Variants in PKD2L2 observed in about 807,000 individuals in gnomAD.
The protein encoded by PKD2L2 is polycystin 2 like 2, transient receptor potential cation channel.
PKD2L2 carries 67 observed loss-of-function variants against 83.9 expected under a neutral mutation model. The ratio of observed to expected loss-of-function variants is 0.80; its 90% CI spans 0.66 to 0.98. The LOEUF (loss-of-function observed/expected upper bound fraction) is 0.98. Among genes scored for constraint, PKD2L2 ranks in the 50% least tolerant of loss-of-function variants. The pLI is 0.00. For missense variants in PKD2L2, 632 were observed against 717.2 expected (o/e 0.88, Z 1.36); for synonymous variants, 223 against 237.8 (o/e 0.94, Z 0.57).
intron 8 of PKD2L2, among the ~76,000 whole-genome samples, chr5:137,909,938 A>G (rs1375440358): frequency 6.6e-6 from 1 of 152,190 alleles, no homozygotes; most frequent in Admixed American, 6.5e-5. Context: ...TATTTTTAAA[A>G]TAGCTTTAGG....
rs990857858 is a variant in PKD2L2, at chr5:137,936,345, G to A, written c.1810G>A (p.Glu604Lys). The A allele has an allele frequency of 3.0e-5, 46 of 1,531,792 alleles. No individual in the cohort carries two copies. Among genetic ancestry groups the A allele is most frequent in the Non-Finnish European group, 3.8e-5 (43 of 1,142,896 alleles). 94.9% of individuals were successfully genotyped at this position (1,531,792 alleles called of 1,614,324 possible). Reference sequence around the variant, plus strand: ...ACTTTTTTTATATGCTGTGGAGCTGGAGAAGGAATTACACTACATCAATTT... The same window carrying A: ...ACTTTTTTTATATGCTGTGGAGCTGAAGAAGGAATTACACTACATCAATTT... Reference protein sequence around the residue: ...RELFLYAVELEKELHYINLKL... With the variant: ...RELFLYAVELKKELHYINLKL... The change falls in exon 14 of 15, where the codon GAG becomes AAG. Residue 604 changes from glutamate to lysine, a missense_variant. By Grantham distance (56) the Glu-to-Lys change is moderately conservative. This residue lies in a region of PKD2L2 where 399 missense variants were observed against 416.9 expected (regional missense o/e 0.96). Transcript: ENST00000508883.
chr5:137,928,867 C>A (rs1759604443), intron 12 of PKD2L2, among the ~76,000 whole-genome samples: 1 of 152,168 alleles, frequency 6.6e-6, no homozygotes, highest in African/African-American at 2.4e-5. Context: ...AGCCACTGTG[C>A]CCAGCCCTAT....
chr5:137,936,454 G>A, intron 14 of PKD2L2, 27 bp downstream of exon 14: 4 of 1,515,626 alleles, frequency 2.6e-6, no homozygotes, highest in Non-Finnish European at 3.5e-6. Context: ...CAATCATTGA[G>A]CATTTCTTTT....
intron 4 of PKD2L2, among the ~76,000 whole-genome samples, chr5:137,895,370 G>A (rs1160968027): frequency 6.6e-6 from 1 of 151,448 alleles, no homozygotes; most frequent in Non-Finnish European, 1.5e-5. Flanking sequence ...TACTCGGGAG[G>A]CTGATCCAGG....
chr5:137,909,538 ATTTT>A lies in PKD2L2; in HGVS notation c.1328+612_1328+615del, dbSNP rs144393648. ...GGTGTTTATTCTCTGGACAAAAGAA[ATTTT>A]TTTTTTTTTTTTTTTTTTTGAGACA... On this transcript the variant is annotated intron_variant, in intron 8 of 14. Transcript: ENST00000508883. Among the ~76,000 whole-genome samples, 67 of 85,316 alleles carry A rather than the reference ATTTT, an allele frequency of 7.9e-4. 1 individual carries two copies. The highest frequency in any genetic ancestry group is 1.5e-3 in the African/African-American group (34 of 23,376). The allele number at this position is 85,316 out of a possible 152,430, so 56.0% of individuals were successfully genotyped here. A position where few individuals can be genotyped will look rare whatever the true frequency, so the allele number is the denominator to read the frequency against.
chr5:137,889,618 A>G (rs2149993144), intron 1 of PKD2L2, 96 bp downstream of exon 1: 1 of 1,100,678 alleles, frequency 9.1e-7, no homozygotes, highest in Non-Finnish European at 1.3e-6. Flanking sequence ...CGTTTGAGAG[A>G]TGTGACTGCC....
In PKD2L2 at chr5:137,907,861, C is replaced by G; in HGVS notation, c.1095C>G (p.His365Gln). 1 of 1,513,450 alleles carries G rather than the reference C, an allele frequency of 6.6e-7. No homozygotes were observed. Among genetic ancestry groups the G allele is most frequent in the East Asian group, 2.3e-5 (1 of 44,128 alleles). 93.8% of individuals were successfully genotyped at this position (1,513,450 alleles called of 1,614,324 possible). The change falls in exon 7 of 15, where the codon CAC becomes CAG. Residue 365 changes from histidine to glutamine, a missense_variant. Around this residue, in one of 3 missense-constraint regions of PKD2L2, gnomAD observed 399 missense variants for 416.9 expected, o/e 0.96. Coordinates refer to ENST00000508883, the MANE Select transcript of PKD2L2 (RefSeq NM_001300921.2). ...ATTTCTATTTTCTTGCATGCTGGCA[C>G]ATTTATTACAATAATATAATTGCTA... is the stretch of plus-strand genomic sequence containing the variant. ...YSDFYFLACW[H>Q]IYYNNIIAIT...
intron 8 of PKD2L2, among the ~76,000 whole-genome samples, chr5:137,917,162 C>CTTT (rs34636933): frequency 1.6e-4 from 20 of 127,192 alleles, no homozygotes; most frequent in South Asian, 2.4e-4. Context: ...GTTCACTTTT[C>CTTT]TTTTTTTTTT....
Position 137,894,623 on chromosome 5 carries a change from A to C in PKD2L2, c.524+14A>C. The C allele has an allele frequency of 1.9e-6, 3 of 1,587,676 alleles. No individual in the cohort carries two copies. Among genetic ancestry groups the C allele is most frequent in the Non-Finnish European group, 2.6e-6 (3 of 1,161,412 alleles). On this transcript the variant is annotated intron_variant, in intron 4 of 14. Coordinates refer to ENST00000508883, the MANE Select transcript of PKD2L2 (RefSeq NM_001300921.2). ...AATTAATACTGAGTAAGTAGCATAA[A>C]ATTATACTGTAACTTTTTCTAGCAT...
intron 1 of PKD2L2, chr5:137,889,894 T>C (rs1257961036): frequency 3.7e-6 from 1 of 267,436 alleles, no homozygotes; most frequent in Non-Finnish European, 7.0e-6. Flanking sequence ...AGAAGCTGTA[T>C]TGAGGGTGGA....
At chr5:137,897,081 CAG>C (rs1756549607) in intron 4 of PKD2L2, among the ~76,000 whole-genome samples, 1 of 148,144 alleles carries the variant, frequency 6.8e-6, no homozygotes, top group South Asian at 2.1e-4. Flanking sequence ...ATTATTGAGA[CAG>C]GGTCTTGCTC....
chr5:137,921,036 A>G (rs1350658032), intron 8 of PKD2L2, among the ~76,000 whole-genome samples: 1 of 152,148 alleles, frequency 6.6e-6, no homozygotes, highest in African/African-American at 2.4e-5. Context: ...CACTGCCAAA[A>G]CCAGTTAGTA....
chr5:137,928,123 G>T (rs1292059206), intron 12 of PKD2L2, among the ~76,000 whole-genome samples: 2 of 152,160 alleles, frequency 1.3e-5, no homozygotes, highest in Non-Finnish European at 2.9e-5. Flanking sequence ...TTCAAGGAAA[G>T]AAAATGTAAA....
intron 8 of PKD2L2, among the ~76,000 whole-genome samples, chr5:137,912,890 C>T (rs570088069): frequency 6.5e-4 from 96 of 147,934 alleles, no homozygotes; most frequent in Middle Eastern, 3.5e-3. Context: ...CTGCAACCTC[C>T]GCCTCCCAGG....
At chr5:137,930,590 G>C (rs1395827664) in intron 12 of PKD2L2, among the ~76,000 whole-genome samples, 4 of 151,588 alleles carry the variant, frequency 2.6e-5, no homozygotes, top group Non-Finnish European at 4.4e-5. Flanking sequence ...TGAACACCGG[G>C]AGGTGGAGGT....
intron 14 of PKD2L2, chr5:137,939,375 T>C (rs904012292): frequency 6.5e-6 from 1 of 152,694 alleles, no homozygotes; most frequent in Non-Finnish European, 1.5e-5. Context: ...AGTTCCTACA[T>C]ACTGACATGG....
intron 14 of PKD2L2, chr5:137,939,974 A>G: frequency 9.2e-6 from 14 of 1,529,112 alleles, no homozygotes; most frequent in Non-Finnish European, 1.2e-5. Context: ...GTACAAAACA[A>G]TGAAGTAAAC....
chr5:137,916,667 G>A (rs1230607041), intron 8 of PKD2L2, among the ~76,000 whole-genome samples: 4 of 151,164 alleles, frequency 2.6e-5, no homozygotes, highest in Non-Finnish European at 4.4e-5. Flanking sequence ...TTTAGTAGAG[G>A]CGGGGTTTTG....
At chr5:137,927,643 C>T (rs1373217272) in intron 12 of PKD2L2, among the ~76,000 whole-genome samples, 1 of 152,192 alleles carries the variant, frequency 6.6e-6, no homozygotes, top group Non-Finnish European at 1.5e-5. Context: ...GCAGGAAATA[C>T]AGACTGAAGT....
Sources: gnomAD v4.1 joint callset for allele counts (sites outside exome capture counted in the v4.1 genomes callset) on GRCh38, gnomAD v4.1.1 for gene constraint, gnomAD v4.1.1 regional missense constraint, MANE v1.5 for transcripts, NCBI Gene and HGNC (gene_info 2026-07-23, HGNC 2026-07-21) for gene names.